The following RAB8B variants were observed in gnomAD, a reference collection of about 807,000 sequenced individuals.
RAB8B encodes RAB8B, member RAS oncogene family, also known as ras-related protein Rab-8B.
RAB8B carries 11 observed loss-of-function variants against 32.0 expected under a neutral mutation model. That is an observed-to-expected ratio of 0.34 (90% CI 0.22 to 0.57). The LOEUF is 0.57. Among genes scored for constraint, RAB8B ranks in the 20% least tolerant of loss-of-function variants. The pLI, the probability that RAB8B is intolerant of heterozygous loss-of-function variation, is 0.86. For synonymous variants in RAB8B, 103 were observed against 89.6 expected (o/e 1.15, Z -0.85); for missense variants, 190 against 258.5 (o/e 0.73, Z 1.82).
chr15:63,228,405 A>G (rs916882597), intron 1 of RAB8B, among the ~76,000 whole-genome samples: 6 of 152,214 alleles, frequency 3.9e-5, no homozygotes, highest in South Asian at 2.1e-4. Context: ...ATAAATTATG[A>G]TATGGCAAAC....
intron 6 of RAB8B, among the ~76,000 whole-genome samples, chr15:63,260,257 T>C (rs1032901529): frequency 6.6e-6 from 1 of 152,214 alleles, no homozygotes; most frequent in Admixed American, 6.5e-5. Context: ...TGCCCTTTTT[T>C]TGGGCAGCTG....
At chr15:63,211,000 A>G (rs1335582751) in intron 1 of RAB8B, among the ~76,000 whole-genome samples, 2 of 152,220 alleles carry the variant, frequency 1.3e-5, no homozygotes, top group Non-Finnish European at 2.9e-5. Context: ...TGAGGAAACC[A>G]CTTTTGCCAA....
intron 1 of RAB8B, among the ~76,000 whole-genome samples, chr15:63,212,340 G>T (rs2037754872): frequency 1.3e-5 from 2 of 152,172 alleles, no homozygotes; most frequent in South Asian, 4.1e-4. Flanking sequence ...GTTGTTAAGG[G>T]AGGGATTGCA....
At chr15:63,227,642 C>T (rs547787934) in intron 1 of RAB8B, among the ~76,000 whole-genome samples, 2 of 152,296 alleles carry the variant, frequency 1.3e-5, no homozygotes, top group African/African-American at 2.4e-5. Flanking sequence ...ACCCAGGAAC[C>T]CAGAATTCTT....
chr15:63,229,019 G>T (rs556016535), intron 1 of RAB8B, among the ~76,000 whole-genome samples: 2 of 152,166 alleles, frequency 1.3e-5, no homozygotes, highest in Non-Finnish European at 2.9e-5. Context: ...CTACATGGTT[G>T]CAGACAGTGC....
At chr15:63,241,965 T>C (rs1372243793) in intron 1 of RAB8B, among the ~76,000 whole-genome samples, 1 of 151,780 alleles carries the variant, frequency 6.6e-6, no homozygotes, top group Non-Finnish European at 1.5e-5. Flanking sequence ...GACCCTGAAA[T>C]GCTGAGGGAG....
At position 63,236,812 on chromosome 15, in the gene RAB8B, G is replaced by T. The variant is rs145627272; in HGVS notation, c.125-7944G>T. On this transcript the variant is annotated intron_variant, in intron 1 of 7. Transcript: ENST00000321437. ...TAAAATGTATAATTAAATTATTTTT[G>T]ATTATAGTCACCTATTGTCCTAGCA... Among the ~76,000 whole-genome samples the T allele has an allele frequency of 2.8e-3, 420 of 152,058 alleles. 3 individuals carry two copies. The highest frequency in any genetic ancestry group is 8.4e-3 in the African/African-American group (347 of 41,444).
chr15:63,240,648 G>A (rs760425071), intron 1 of RAB8B, among the ~76,000 whole-genome samples: 3 of 151,514 alleles, frequency 2.0e-5, no homozygotes, highest in East Asian at 1.9e-4. Flanking sequence ...TTCTGCAGCC[G>A]TTGTCTGTCA....
intron 1 of RAB8B, among the ~76,000 whole-genome samples, chr15:63,243,974 C>G (rs905073446): frequency 6.6e-6 from 1 of 152,026 alleles, no homozygotes; most frequent in African/African-American, 2.4e-5. Flanking sequence ...TTATAAAAAC[C>G]CACTCTCAAG....
chr15:63,217,352 T>C (rs1006921918), intron 1 of RAB8B, among the ~76,000 whole-genome samples: 4 of 152,202 alleles, frequency 2.6e-5, no homozygotes, highest in South Asian at 2.1e-4. Flanking sequence ...GGTTTTTCCA[T>C]TGGAACTTTC....
chr15:63,228,587 C>T lies in RAB8B; in HGVS notation c.125-16169C>T, dbSNP rs28546532. Among the ~76,000 whole-genome samples, 663 of 152,284 alleles carry T rather than the reference C, an allele frequency of 4.4e-3. 7 individuals are homozygous for T. The highest frequency in any genetic ancestry group is 0.015 in the African/African-American group (619 of 41,562). ...TTCCCACATGCTGTCTTGCAGGTGA[C>T]AAGAAATAAACTGGAACTGCAGTAT... On this transcript the variant is annotated intron_variant, in intron 1 of 7. Transcript: ENST00000321437.
At chr15:63,197,855 G>C (rs1486828410) in intron 1 of RAB8B, among the ~76,000 whole-genome samples, 1 of 152,134 alleles carries the variant, frequency 6.6e-6, no homozygotes, top group Non-Finnish European at 1.5e-5. Context: ...GATTCCTAAT[G>C]TCTGCCATGG....
At chr15:63,228,552 C>G (rs1291972770) in intron 1 of RAB8B, among the ~76,000 whole-genome samples, 9 of 152,238 alleles carry the variant, frequency 5.9e-5, no homozygotes, top group Admixed American at 5.2e-4. Context: ...GTCTTGATCC[C>G]TTTCTTTGTT....
chr15:63,216,865 A>G (rs2037796987), intron 1 of RAB8B, among the ~76,000 whole-genome samples: 1 of 151,832 alleles, frequency 6.6e-6, no homozygotes, highest in Non-Finnish European at 1.5e-5. Flanking sequence ...GTCTCAAAAA[A>G]AAAAAAAAAA....
intron 1 of RAB8B, among the ~76,000 whole-genome samples, chr15:63,242,091 G>T (rs2038037046): frequency 6.6e-6 from 1 of 150,638 alleles, no homozygotes; most frequent in African/African-American, 2.4e-5. Context: ...AATTACTTTT[G>T]CAGCAACCTA....
chr15:63,244,427 G>T (rs949138586), intron 1 of RAB8B, among the ~76,000 whole-genome samples: 2 of 152,152 alleles, frequency 1.3e-5, no homozygotes, highest in Non-Finnish European at 2.9e-5. Context: ...TAGATAGGAA[G>T]CATTGTTTAT....
intron 5 of RAB8B, among the ~76,000 whole-genome samples, 171 bp downstream of exon 5, chr15:63,256,765 G>A (rs186675674): frequency 6.6e-6 from 1 of 152,054 alleles, no homozygotes; most frequent in East Asian, 1.9e-4. Context: ...ATTAGTATTC[G>A]AGATCCAGCT....
intron 1 of RAB8B, among the ~76,000 whole-genome samples, chr15:63,226,255 T>C (rs554460921): frequency 5.3e-5 from 8 of 152,222 alleles, no homozygotes; most frequent in Non-Finnish European, 8.8e-5. Context: ...TCATGTGTGG[T>C]TGAGCACTCT....
At chr15:63,211,895 A>G (rs562964908) in intron 1 of RAB8B, among the ~76,000 whole-genome samples, 51 of 152,204 alleles carry the variant, frequency 3.4e-4, no homozygotes, top group African/African-American at 1.1e-3. Flanking sequence ...GCAGTGGCGC[A>G]ATCATGGCTC....
Sources: gnomAD v4.1 joint callset for allele counts (sites outside exome capture counted in the v4.1 genomes callset) on GRCh38, gnomAD v4.1.1 for gene constraint, MANE v1.5 for transcripts, NCBI Gene and HGNC (gene_info 2026-07-23, HGNC 2026-07-21) for gene names.